ZNF155: variants seen among roughly 807,000 people sequenced by gnomAD.
The protein encoded by ZNF155 is KRAB A domain.
In ZNF155, 15 loss-of-function variants were observed where a neutral mutation model predicts 11.9. The observed-to-expected ratio is 1.26, with a 90% CI of 0.84 to 1.94. The LOEUF (loss-of-function observed/expected upper bound fraction) is 1.94, where lower values mean the gene tolerates loss of function less well. Ranked by LOEUF, ZNF155 falls within the 30% of genes most tolerant of loss-of-function variation. The pLI is 0.00. For synonymous variants in ZNF155, 212 were observed against 219.9 expected (o/e 0.96, Z 0.32); for missense variants, 602 against 639.1 (o/e 0.94, Z 0.63).
At chr19:43,986,723 AC>A (rs1337873203) in intron 1 of ZNF155, among the ~76,000 whole-genome samples, 1 of 152,150 alleles carries the variant, frequency 6.6e-6, no homozygotes, top group Non-Finnish European at 1.5e-5. Context: ...TGCTGAGATT[AC>A]AGGTGTGAGC....
In ZNF155 at chr19:43,988,364, G is replaced by T. The variant is rs1009955996; in HGVS notation, c.-85-95G>T. 8.9e-6 allele frequency: 4 copies of T among 451,114 alleles called. No homozygotes were observed. The East Asian group carries it at 1.0e-4, about 12-fold the overall frequency. The allele number at this position is 451,114 out of a possible 1,614,324, so 27.9% of individuals were successfully genotyped here. On this transcript the variant is annotated intron_variant, in intron 1 of 4. Coordinates refer to ENST00000270014, the MANE Select transcript of ZNF155 (RefSeq NM_198089.3). ...TGCCTATCCATTTACCCAGAGGAAG[G>T]CATCTTGGTTGTGTGCAGTTTGGGT...
At chr19:43,995,244 T>C (rs1975799234) in intron 4 of ZNF155, among the ~76,000 whole-genome samples, 1 of 152,074 alleles carries the variant, frequency 6.6e-6, no homozygotes, top group South Asian at 2.1e-4. Context: ...CCTGAGTAGC[T>C]GGGACTACAG....
chr19:43,996,499 T>G lies in ZNF155; in HGVS notation c.642T>G (p.Ser214Arg), dbSNP rs1975871427. ...FMCDVCGKEF[S>R]QSSHLQTHQR... The stretch of plus-strand genomic sequence containing the variant: ...GTGATGTGTGTGGCAAGGAATTTAG[T>G]CAAAGCTCACATCTGCAAACTCATC... Residue 214 changes from serine to arginine, a missense_variant, in exon 5 of 5, where the codon AGT (serine) becomes AGG (arginine). Coordinates refer to ENST00000270014, the MANE Select transcript of ZNF155 (RefSeq NM_198089.3). 1.9e-6 allele frequency: 3 copies of G among 1,614,194 alleles called. No individual in the cohort carries two copies. The highest frequency in any genetic ancestry group is 2.5e-6 in the Non-Finnish European group (3 of 1,180,020).
In ZNF155 at chr19:43,997,153, G is replaced by A. The variant is rs1975919527; in HGVS notation, c.1296G>A (p.Glu432=). 1 of 1,614,118 alleles carries A rather than the reference G, an allele frequency of 6.2e-7. No individual in the cohort carries two copies. The highest frequency in any genetic ancestry group is 1.1e-5 in the South Asian group (1 of 91,068). ...GTGAAAAGCCATATAAATGTGAGGA[G>A]TGTGGGAAGGGCTATGTTACTAAGT... The part of the protein sequence containing the change: ...HSGEKPYKCE[E]CGKGYVTKFN... Residue 432 remains glutamate (E), a synonymous_variant, in exon 5 of 5, where the codon GAG becomes GAA. Coordinates refer to ENST00000270014, the MANE Select transcript of ZNF155 (RefSeq NM_198089.3).
At chr19:43,985,540 T>TC (rs71171207) in intron 1 of ZNF155, among the ~76,000 whole-genome samples, 44,115 of 123,572 alleles carry the variant, frequency 0.36, 6,916 homozygotes, top group Middle Eastern at 0.45. Context: ...TTTCTTTTTT[T>TC]TTTTTTTTTT....
chr19:43,986,481 G>T (rs530943142), intron 1 of ZNF155, among the ~76,000 whole-genome samples: 1 of 133,676 alleles, frequency 7.5e-6, no homozygotes, highest in East Asian at 2.1e-4. Flanking sequence ...ACGGAGTCTC[G>T]CTCTGTCACC....
chr19:43,984,325 AAGAAGCCCTGG>A (rs1311048320), intron 1 of ZNF155, 80 bp downstream of exon 1: 4 of 152,242 alleles, frequency 2.6e-5, no homozygotes, highest in Non-Finnish European at 4.4e-5. Flanking sequence ...CTAAGGGGGT[AAGAAGCCCTGG>A]AGAAGACCTG....
rs773661893 is a variant in ZNF155 at position 43,997,040 on chromosome 19, A to G, written c.1183A>G (p.Ser395Gly). The G allele has an allele frequency of 2.5e-6, 4 of 1,613,948 alleles. No homozygotes were observed. The highest frequency in any genetic ancestry group is 2.7e-5 in the African/African-American group (2 of 75,056). ...SCLLNHQRVH[S>G]GEKSFKCEEC... ...CCTTTTGAACCATCAGCGAGTCCACAGTGGAGAAAAAAGCTTCAAATGTGA... is the reference window on the plus strand; with the variant it reads ...CCTTTTGAACCATCAGCGAGTCCACGGTGGAGAAAAAAGCTTCAAATGTGA... Residue 395 changes from serine (S) to glycine (G), a missense_variant, in exon 5 of 5, where the codon AGT (serine) becomes GGT (glycine). By Grantham distance (56) the Ser-to-Gly change is moderately conservative. Transcript: ENST00000270014.
At position 43,991,610 on chromosome 19, in the gene ZNF155, C is replaced by T. The variant is rs148334511; in HGVS notation, c.78C>T (p.Asp26=). 100 of 1,614,078 alleles carry T rather than the reference C, an allele frequency of 6.2e-5. 1 individual carries two copies. In the African/African-American group the frequency reaches 8.8e-4, roughly 14 times the overall value. ...CTGAGGAGGAGCTGGGGCTGCTGGA[C>T]CCTGCCCAGAGGAAGCTGTACCGAG... ...VFTEEELGLL[D]PAQRKLYRDV... The change falls in exon 3 of 5, where the codon GAC becomes GAT. Residue 26 remains aspartate, a synonymous_variant. Transcript: ENST00000270014.
rs200344313 is a variant in ZNF155 at position 43,996,662 on chromosome 19, T to C, written c.805T>C (p.Phe269Leu). Residue 269 changes from phenylalanine to leucine, a missense_variant, in exon 5 of 5, where the codon TTC (phenylalanine) becomes CTC (leucine). By Grantham distance (22) the Phe-to-Leu change is conservative. Coordinates refer to ENST00000270014, the MANE Select transcript of ZNF155 (RefSeq NM_198089.3). ...CATTTGTGAGGCATGTGGGAAGGCC[T>C]TCATTCATGATTCCCAGCTTAAGGA... ...PYICEACGKA[F>L]IHDSQLKEHK... 3.7e-6 allele frequency: 6 copies of C among 1,614,192 alleles called. No homozygotes were observed. The African/African-American group carries it at 8.0e-5, about 22-fold the overall frequency.
intron 1 of ZNF155, among the ~76,000 whole-genome samples, chr19:43,986,447 GTGTTTTT>G (rs1975447360): frequency 3.5e-5 from 5 of 142,176 alleles, no homozygotes; most frequent in Non-Finnish European, 3.0e-5. Context: ...ATTCCCATTT[GTGTTTTT>G]TTTTTTTTTT....
At chr19:43,992,222 G>A (rs138474538) in intron 4 of ZNF155, among the ~76,000 whole-genome samples, 76 of 152,140 alleles carry the variant, frequency 5.0e-4, no homozygotes, top group African/African-American at 1.8e-3. Context: ...AGAGACCTAT[G>A]TGGTCTGCTC....
intron 3 of ZNF155, 32 bp from the exon 4 acceptor site, chr19:43,991,809 TG>T (rs2147387767): frequency 6.2e-7 from 1 of 1,609,046 alleles, no homozygotes; most frequent in East Asian, 2.2e-5. Context: ...CAGAATGTGT[TG>T]GGATTCAGCA....
At chr19:43,992,132 G>T (rs2147388721) in intron 4 of ZNF155, among the ~76,000 whole-genome samples, 198 bp downstream of exon 4, 1 of 152,292 alleles carries the variant, frequency 6.6e-6, no homozygotes, top group Non-Finnish European at 1.5e-5. Context: ...GGAAATGGAA[G>T]TCAGATTGTC....
chr19:43,994,223 C>T (rs1975758166), intron 4 of ZNF155, among the ~76,000 whole-genome samples: 2 of 152,148 alleles, frequency 1.3e-5, no homozygotes, highest in South Asian at 4.1e-4. Flanking sequence ...TTGTGGACCC[C>T]TGGAAGGACA....
intron 2 of ZNF155, among the ~76,000 whole-genome samples, chr19:43,989,222 C>A (rs1415492567): frequency 6.6e-6 from 1 of 152,240 alleles, no homozygotes; most frequent in African/African-American, 2.4e-5. Flanking sequence ...GGAGTTTTCA[C>A]ACTGGAAGAG....
intron 1 of ZNF155, among the ~76,000 whole-genome samples, chr19:43,987,669 A>G (rs1434743938): frequency 6.6e-6 from 1 of 152,174 alleles, no homozygotes. Context: ...GAAATAGTCA[A>G]GTTTCTTCTG....
chr19:43,991,826 C>G lies in ZNF155; in HGVS notation c.143-16C>G. On this transcript the variant is annotated splice_polypyrimidine_tract_variant and intron_variant, in intron 3 of 4. Transcript: ENST00000270014. The stretch of plus-strand genomic sequence containing the variant: ...GAATGTGTTGGGATTCAGCACGTGA[C>G]CTTACCTATTCACAGGGCATCAACC... The G allele has an allele frequency of 2.5e-6, 4 of 1,611,876 alleles. No individual in the cohort carries two copies. Among genetic ancestry groups the G allele is most frequent in the Non-Finnish European group, 3.4e-6 (4 of 1,178,694 alleles).
At chr19:43,991,193 A>G (rs954216770) in intron 2 of ZNF155, among the ~76,000 whole-genome samples, 1 of 152,146 alleles carries the variant, frequency 6.6e-6, no homozygotes, top group African/African-American at 2.4e-5. Context: ...GGACCCAACA[A>G]AGTTGGGACT....
Sources: allele counts gnomAD v4.1 joint callset (sites outside exome capture counted in the v4.1 genomes callset), GRCh38; gene constraint gnomAD v4.1.1; transcripts MANE v1.5; gene names NCBI Gene and HGNC (gene_info 2026-07-23, HGNC 2026-07-21).